F2: variants seen among roughly 807,000 people sequenced by gnomAD.
F2 encodes the protein coagulation factor II, thrombin.
A neutral mutation model predicts 81.9 loss-of-function variants in F2; 34 were observed. The observed-to-expected ratio is 0.42, with a 90% CI of 0.32 to 0.55. The LOEUF (loss-of-function observed/expected upper bound fraction) is 0.55. Ranked by LOEUF, F2 falls within the 20% of genes least tolerant of loss-of-function variation. The probability of loss-of-function intolerance (pLI) is 0.18; values close to 1 mark genes in which losing one functional copy is unlikely to be tolerated. For synonymous variants in F2, 296 were observed against 326.4 expected (o/e 0.91, Z 1.01); for missense variants, 630 against 833.4 (o/e 0.76, Z 3.00).
rs768825889 is a variant in F2, at chr11:46,723,431, C to T, written c.472C>T (p.Arg158Cys). Reference sequence around the variant, plus strand: ...GGCCGACCTACAGGAGAATTTCTGCCGCAACCCCGACAGCAGCACCACGGG... The same window carrying T: ...GGCCGACCTACAGGAGAATTTCTGCTGCAACCCCGACAGCAGCACCACGGG... ...PGADLQENFC[R>C]NPDSSTTGPW... Residue 158 changes from arginine (R) to cysteine (C), a missense_variant, in exon 6 of 14, where the codon CGC (arginine) becomes TGC (cysteine). Coordinates refer to ENST00000311907, the MANE Select transcript of F2 (RefSeq NM_000506.5). The surrounding 1 kb of genome is among the most constrained non-coding windows in gnomAD (Gnocchi z 5.6). 1 of 1,614,084 alleles carries T rather than the reference C, an allele frequency of 6.2e-7. No individual in the cohort carries two copies. Among genetic ancestry groups the T allele is most frequent in the Non-Finnish European group, 8.5e-7 (1 of 1,180,000 alleles).
At position 46,726,038 on chromosome 11, in the gene F2, A is replaced by G; in HGVS notation, c.739A>G (p.Lys247Glu). The change falls in exon 7 of 14, where the codon AAG becomes GAG. Residue 247 changes from lysine (K) to glutamate (E), a missense_variant. Transcript: ENST00000311907. The surrounding 1 kb of genome is among the most constrained non-coding windows in gnomAD (Gnocchi z 5.9). Reference sequence around the variant, plus strand: ...CAGCGCACAGGCCAAGGCCCTGAGCAAGCACCAGGACTTCAACTCAGCTGT... The same window carrying G: ...CAGCGCACAGGCCAAGGCCCTGAGCGAGCACCAGGACTTCAACTCAGCTGT... ...WASAQAKALS[K>E]HQDFNSAVQL... 2 of 1,614,140 alleles carry G rather than the reference A, an allele frequency of 1.2e-6. No homozygotes were observed. Among genetic ancestry groups the G allele is most frequent in the Non-Finnish European group, 1.7e-6 (2 of 1,180,022 alleles).
rs766515978 is a variant in F2, at chr11:46,720,524, A to T, written c.242A>T (p.Asp81Val). The T allele has an allele frequency of 6.2e-7, 1 of 1,613,976 alleles. No homozygotes were observed. The highest frequency in any genetic ancestry group is 8.5e-7 in the Non-Finnish European group (1 of 1,179,986). ...TCACTCCCAGCCCTTGTTTTTCAGG[A>T]TGTGTTCTGGGCCAAGTACACAGGT... ...FEALESSTAT[D>V]VFWAKYTACE... Residue 81 changes from aspartate to valine, a missense_variant and splice_region_variant, in exon 3 of 14, where the codon GAT (aspartate) becomes GTT (valine). By Grantham distance (152) the Asp-to-Val change is radical. Coordinates refer to ENST00000311907, the MANE Select transcript of F2 (RefSeq NM_000506.5).
intron 12 of F2, among the ~76,000 whole-genome samples, chr11:46,734,894 G>GT (rs2064935049): frequency 6.6e-6 from 1 of 152,156 alleles, no homozygotes; most frequent in East Asian, 1.9e-4. Context: ...TTTTCTTCTA[G>GT]TACCTGATTT....
At chr11:46,720,214 A>C in intron 2 of F2, 1 of 550,892 alleles carries the variant, frequency 1.8e-6, no homozygotes, top group South Asian at 2.1e-5. Context: ...CCCGGGCTCA[A>C]GACTCAGTGT....
chr11:46,730,919 A>C (rs941529256), intron 12 of F2, among the ~76,000 whole-genome samples: 1 of 151,750 alleles, frequency 6.6e-6, no homozygotes, highest in Non-Finnish European at 1.5e-5. Context: ...ACAAATATTA[A>C]AACCCGGAAA....
In F2 at chr11:46,726,974, A is replaced by G. The variant is rs1005287688; in HGVS notation, c.1130+137A>G. 7 of 1,306,216 alleles carry G rather than the reference A, an allele frequency of 5.4e-6. No homozygotes were observed. In the Middle Eastern group the frequency reaches 6.7e-4, roughly 126 times the overall value. The allele number at this position is 1,306,216 out of a possible 1,614,324, so 80.9% of individuals were successfully genotyped here. A position where few individuals can be genotyped will look rare whatever the true frequency, so the allele number is the denominator to read the frequency against. On this transcript the variant is annotated intron_variant, in intron 9 of 13. Transcript: ENST00000311907. This position sits in a 1 kb window ranked among gnomAD's most constrained non-coding sequence, Gnocchi z 5.9. ...GCATCCAGGATCCCACCAACTCCAC[A>G]CAGCAGCCACATGAGATGGGTTGTT...
In F2 at chr11:46,719,883, C is replaced by T. The variant is rs758759228; in HGVS notation, c.240+21C>T. On this transcript the variant is annotated intron_variant, in intron 2 of 13. Transcript: ENST00000311907. The surrounding 1 kb of genome is among the most constrained non-coding windows in gnomAD (Gnocchi z 4.7). ...CTACGGTGAGCCTGGGCTGCTCGGA[C>T]GGTGCCGGGGCCTCAGACCGGGCCC... 73 of 1,553,384 alleles carry T rather than the reference C, an allele frequency of 4.7e-5. No homozygotes were observed. The Middle Eastern group carries it at 8.4e-4, about 18-fold the overall frequency.
At chr11:46,734,635 A>C (rs1461318758) in intron 12 of F2, among the ~76,000 whole-genome samples, 1 of 151,956 alleles carries the variant, frequency 6.6e-6, no homozygotes, top group Non-Finnish European at 1.5e-5. Flanking sequence ...ACATGGTGAA[A>C]CCCTGTCTCT....
chr11:46,730,312 A>G (rs1163341912), intron 12 of F2, among the ~76,000 whole-genome samples: 1 of 151,968 alleles, frequency 6.6e-6, no homozygotes, highest in Non-Finnish European at 1.5e-5. Flanking sequence ...CGATCGATCA[A>G]TCAATCAATC....
intron 9 of F2, 51 bp from the exon 10 acceptor site, chr11:46,727,945 G>C: frequency 6.4e-7 from 1 of 1,558,526 alleles, no homozygotes; most frequent in Non-Finnish European, 8.7e-7. Flanking sequence ...GGCTGGTGTA[G>C]AGGCAGCCCC....
chr11:46,720,971 G>C (rs2134524875), intron 4 of F2, 131 bp downstream of exon 4: 1 of 915,912 alleles, frequency 1.1e-6, no homozygotes, highest in East Asian at 2.4e-5. Context: ...TCCCATTCCT[G>C]GGGTCAAGAT....
At chr11:46,725,069 CTTT>C (rs71455298) in intron 6 of F2, among the ~76,000 whole-genome samples, 2 of 106,240 alleles carry the variant, frequency 1.9e-5, no homozygotes, top group Admixed American at 1.0e-4. Flanking sequence ...TGCGCCCGGC[CTTT>C]TTTTTTTTTT....
At position 46,726,954 on chromosome 11, in the gene F2, C is replaced by T. The variant is rs1184909345; in HGVS notation, c.1130+117C>T. On this transcript the variant is annotated intron_variant, in intron 9 of 13. Coordinates refer to ENST00000311907, the MANE Select transcript of F2 (RefSeq NM_000506.5). This position sits in a 1 kb window ranked among gnomAD's most constrained non-coding sequence, Gnocchi z 5.9. ...TTACAGATGACAACAGCTGAGCATC[C>T]AGGATCCCACCAACTCCACACAGCA... 1.3e-6 allele frequency: 2 copies of T among 1,501,518 alleles called. No individual in the cohort carries two copies. Among genetic ancestry groups the T allele is most frequent in the Non-Finnish European group, 1.8e-6 (2 of 1,095,190 alleles). 93.0% of individuals were successfully genotyped at this position (1,501,518 alleles called of 1,614,324 possible).
At position 46,720,839 on chromosome 11, in the gene F2, A is replaced by G. The variant is rs745502055; in HGVS notation, c.315A>G (p.Glu105=). The stretch of plus-strand genomic sequence containing the variant: ...GAGATAAGCTTGCTGCATGTCTGGA[A>G]GGTGAGCAACTGACACGGGTTTGGG... ...TPRDKLAACL[E]GNCAEGLGTN... The change falls in exon 4 of 14, where the codon GAA becomes GAG. Residue 105 remains glutamate, a splice_region_variant and synonymous_variant. Transcript: ENST00000311907. 1 of 1,613,944 alleles carries G rather than the reference A, an allele frequency of 6.2e-7. No homozygotes were observed. Among genetic ancestry groups the G allele is most frequent in the Non-Finnish European group, 8.5e-7 (1 of 1,180,010 alleles).
At chr11:46,729,897 G>A (rs945085248) in intron 12 of F2, among the ~76,000 whole-genome samples, 2 of 152,128 alleles carry the variant, frequency 1.3e-5, no homozygotes, top group East Asian at 1.9e-4. Context: ...AGGGTATACA[G>A]CAGGGACCCA....
At position 46,719,263 on chromosome 11, in the gene F2, C is replaced by T. The variant is rs760170533; in HGVS notation, c.28C>T (p.Pro10Ser). MAHVRGLQL[P>S]GCLALAALCS... ...GGCGCACGTCCGAGGCTTGCAGCTG[C>T]CTGGCTGCCTGGCCCTGGCTGCCCT... Residue 10 changes from proline (P) to serine (S), a missense_variant, in exon 1 of 14, where the codon CCT (proline) becomes TCT (serine). Physicochemically the swap from Pro to Ser is moderately conservative, Grantham distance 74 (BLOSUM62 -1). Coordinates refer to ENST00000311907, the MANE Select transcript of F2 (RefSeq NM_000506.5). This position sits in a 1 kb window ranked among gnomAD's most constrained non-coding sequence, Gnocchi z 4.7. 2.5e-6 allele frequency: 4 copies of T among 1,613,634 alleles called. No individual in the cohort carries two copies. The highest frequency in any genetic ancestry group is 3.4e-6 in the Non-Finnish European group (4 of 1,180,030).
rs2064850483 is a variant in F2 at position 46,723,357 on chromosome 11, C to T, written c.423-25C>T. On this transcript the variant is annotated intron_variant, in intron 5 of 13. Coordinates refer to ENST00000311907, the MANE Select transcript of F2 (RefSeq NM_000506.5). This position sits in a 1 kb window ranked among gnomAD's most constrained non-coding sequence, Gnocchi z 5.6. The stretch of plus-strand genomic sequence containing the variant: ...AAGCGTACCTCAAGCCCAACAGCCT[C>T]CTGTTGGGCAATTTCCTGTTCCAGA... 1.2e-6 allele frequency: 2 copies of T among 1,611,606 alleles called. No individual in the cohort carries two copies. The highest frequency in any genetic ancestry group is 1.7e-6 in the Non-Finnish European group (2 of 1,177,704).
chr11:46,729,633 A>G, intron 12 of F2, 72 bp downstream of exon 12: 1 of 1,557,410 alleles, frequency 6.4e-7, no homozygotes, highest in Non-Finnish European at 8.8e-7. Flanking sequence ...GCCTGGGTTC[A>G]AGCCATGTGA....
In F2 at chr11:46,723,265, T is replaced by C. The variant is rs747709652; in HGVS notation, c.402T>C (p.Ser134=). The C allele has an allele frequency of 6.2e-6, 10 of 1,612,560 alleles. No homozygotes were observed. The Admixed American group carries it at 1.7e-4, about 27-fold the overall frequency. Residue 134 remains serine (S), a synonymous_variant, in exon 5 of 14, where the codon AGT becomes AGC. Coordinates refer to ENST00000311907, the MANE Select transcript of F2 (RefSeq NM_000506.5). The surrounding 1 kb of genome is among the most constrained non-coding windows in gnomAD (Gnocchi z 5.6). ...GCATTGAGTGCCAGCTATGGAGGAGTCGCTACCCACATAAGCCTGAGTGAG... is the reference window on the plus strand; with the variant it reads ...GCATTGAGTGCCAGCTATGGAGGAGCCGCTACCCACATAAGCCTGAGTGAG... ...RSGIECQLWR[S]RYPHKPEINS... is the part of the protein sequence containing the mutation.
Sources: gnomAD v4.1 joint callset for allele counts (sites outside exome capture counted in the v4.1 genomes callset) on GRCh38, gnomAD v4.1.1 for gene constraint, Gnocchi (gnomAD v3.1) non-coding constraint, MANE v1.5 for transcripts, NCBI Gene and HGNC (gene_info 2026-07-23, HGNC 2026-07-21) for gene names.